The following PIP4K2A variants were observed in gnomAD, a reference collection of about 807,000 sequenced individuals.
PIP4K2A encodes phosphatidylinositol-5-phosphate 4-kinase type 2 alpha, also known as phosphatidylinositol 5-phosphate 4-kinase type-2 alpha.
PIP4K2A carries 14 observed loss-of-function variants against 42.9 expected under a neutral mutation model. The observed-to-expected ratio is 0.33, with a 90% CI of 0.22 to 0.51. The LOEUF is 0.51. Among genes scored for constraint, PIP4K2A ranks in the 20% least tolerant of loss-of-function variants. The pLI is 0.97. For synonymous variants in PIP4K2A, 192 were observed against 192.2 expected (o/e 1.00, Z 0.01); for missense variants, 434 against 519.8 (o/e 0.83, Z 1.61).
At chr10:22,563,904 G>T (rs1564422487) in intron 6 of PIP4K2A, among the ~76,000 whole-genome samples, 1 of 152,190 alleles carries the variant, frequency 6.6e-6, no homozygotes, top group African/African-American at 2.4e-5. Flanking sequence ...TGCCAGTTGT[G>T]ACTTCCTCTA....
At chr10:22,635,967 T>G (rs773107580) in intron 1 of PIP4K2A, among the ~76,000 whole-genome samples, 2 of 152,238 alleles carry the variant, frequency 1.3e-5, no homozygotes, top group African/African-American at 2.4e-5. Context: ...ATGTTTAACA[T>G]GCAGCCACAA....
chr10:22,621,354 GC>G (rs1564446162), intron 1 of PIP4K2A, among the ~76,000 whole-genome samples: 1 of 152,168 alleles, frequency 6.6e-6, no homozygotes, highest in Non-Finnish European at 1.5e-5. Context: ...CAATCACACA[GC>G]ACTCTAAGAA....
At chr10:22,670,930 T>C (rs1056330345) in intron 1 of PIP4K2A, among the ~76,000 whole-genome samples, 5 of 152,174 alleles carry the variant, frequency 3.3e-5, no homozygotes, top group African/African-American at 1.2e-4. Flanking sequence ...ACAAAGTTCC[T>C]GGAATAAATT....
chr10:22,685,010 G>T (rs1049335216), intron 1 of PIP4K2A, among the ~76,000 whole-genome samples: 1 of 152,076 alleles, frequency 6.6e-6, no homozygotes, highest in African/African-American at 2.4e-5. Flanking sequence ...AACAGAAACC[G>T]CATTACTGGT....
At position 22,539,992 on chromosome 10, in the gene PIP4K2A, A is replaced by C. The variant is rs1205429070; in HGVS notation, c.1119T>G (p.Ala373=). ...TCACGCCATGTTTAACAGTTTTTGC[A>C]GCATGGGCAGCTTTCTTTTTTGCAT... The part of the protein sequence containing the change: ...HYDAKKKAAH[A]AKTVKHGAGA... Residue 373 remains alanine, a synonymous_variant, in exon 9 of 10, where the codon GCT becomes GCG. Transcript: ENST00000376573. The C allele has an allele frequency of 1.9e-6, 3 of 1,607,160 alleles. No individual in the cohort carries two copies. Among genetic ancestry groups the C allele is most frequent in the Non-Finnish European group, 2.6e-6 (3 of 1,173,814 alleles).
intron 4 of PIP4K2A, among the ~76,000 whole-genome samples, chr10:22,588,385 A>G (rs1837444506): frequency 6.6e-6 from 1 of 151,284 alleles, no homozygotes; most frequent in Non-Finnish European, 1.5e-5. Flanking sequence ...TCTGTGGGGA[A>G]CTCCTTAGAG....
rs189046141 is a variant in PIP4K2A at position 22,653,539 on chromosome 10, G to T, written c.145-43822C>A. Among the ~76,000 whole-genome samples, 5 of 152,304 alleles carry T rather than the reference G, an allele frequency of 3.3e-5. No homozygotes were observed. In the East Asian group the frequency reaches 9.6e-4, roughly 29 times the overall value. On this transcript the variant is annotated intron_variant, in intron 1 of 9. Coordinates refer to ENST00000376573, the MANE Select transcript of PIP4K2A (RefSeq NM_005028.5). Reference sequence around the variant, plus strand: ...AGATGCACACTGGGAAGGCAGGGGAGGCAGACAGAAGAAAGGAGGTAGGGC... The same window carrying T: ...AGATGCACACTGGGAAGGCAGGGGATGCAGACAGAAGAAAGGAGGTAGGGC...
intron 1 of PIP4K2A, among the ~76,000 whole-genome samples, chr10:22,613,330 T>C (rs1042699332): frequency 6.6e-6 from 1 of 151,674 alleles, no homozygotes; most frequent in Non-Finnish European, 1.5e-5. Flanking sequence ...TGAAGAGGGA[T>C]GAGGGACAGA....
chr10:22,569,420 C>A (rs61847464), intron 5 of PIP4K2A, among the ~76,000 whole-genome samples: 7,800 of 152,348 alleles, frequency 0.051, 285 homozygotes, highest in Non-Finnish European at 0.078. Flanking sequence ...CCGAGCCCCT[C>A]TGCACAGCCA....
chr10:22,538,804 C>T (rs201562656), intron 9 of PIP4K2A, among the ~76,000 whole-genome samples: 44 of 152,014 alleles, frequency 2.9e-4, no homozygotes, highest in Non-Finnish European at 5.1e-4. Flanking sequence ...TGCTCGGGGG[C>T]GGTGAGGTCC....
At chr10:22,571,320 G>C (rs895256284) in intron 5 of PIP4K2A, among the ~76,000 whole-genome samples, 5 of 152,202 alleles carry the variant, frequency 3.3e-5, no homozygotes, top group African/African-American at 1.2e-4. Context: ...TCATTTCACA[G>C]AAAACAACTG....
At chr10:22,600,216 G>C (rs1233443365) in intron 3 of PIP4K2A, among the ~76,000 whole-genome samples, 1 of 149,802 alleles carries the variant, frequency 6.7e-6, no homozygotes, top group Non-Finnish European at 1.5e-5. Flanking sequence ...TTTCCATTTT[G>C]ATGGTCGTTT....
chr10:22,660,396 G>A (rs537334298), intron 1 of PIP4K2A, among the ~76,000 whole-genome samples: 3 of 152,200 alleles, frequency 2.0e-5, no homozygotes, highest in East Asian at 1.9e-4. Flanking sequence ...GCTTGAACCC[G>A]GGAGGCAGAG....
intron 1 of PIP4K2A, among the ~76,000 whole-genome samples, chr10:22,667,269 G>C (rs1487327956): frequency 6.6e-6 from 1 of 152,178 alleles, no homozygotes; most frequent in East Asian, 1.9e-4. Context: ...CCACAAACTA[G>C]CTTTAAATTA....
Position 22,607,537 on chromosome 10 carries a change from A to G in PIP4K2A, c.339+390T>C, listed in dbSNP as rs1412624881. On this transcript the variant is annotated intron_variant, in intron 3 of 9. Transcript: ENST00000376573. ...AATCAGCAAGATAAAGATTCCTGAG[A>G]GTCCTAAGTAGCCTCTACGAAGATA... Among the ~76,000 whole-genome samples the G allele has an allele frequency of 4.6e-5, 7 of 152,260 alleles. No homozygotes were observed. In the South Asian group the frequency reaches 1.5e-3, roughly 32 times the overall value.
At chr10:22,591,864 G>A in intron 3 of PIP4K2A, 83 bp from the exon 4 acceptor site, 1 of 1,217,212 alleles carries the variant, frequency 8.2e-7, no homozygotes, top group Non-Finnish European at 1.1e-6. Flanking sequence ...CAGATAATTT[G>A]TCATCATTGC....
intron 1 of PIP4K2A, among the ~76,000 whole-genome samples, chr10:22,678,910 A>G (rs1488774599): frequency 6.6e-6 from 1 of 152,216 alleles, no homozygotes; most frequent in African/African-American, 2.4e-5. Flanking sequence ...TGTGTTCCCT[A>G]TGTATTGTCC....
At chr10:22,635,898 G>A (rs144413096) in intron 1 of PIP4K2A, among the ~76,000 whole-genome samples, 11 of 152,294 alleles carry the variant, frequency 7.2e-5, no homozygotes, top group Admixed American at 4.6e-4. Flanking sequence ...AAGAGAAGTC[G>A]ACTTAGGGTA....
intron 1 of PIP4K2A, among the ~76,000 whole-genome samples, chr10:22,662,868 G>T (rs936421859): frequency 2.0e-5 from 3 of 152,248 alleles, no homozygotes; most frequent in Non-Finnish European, 2.9e-5. Context: ...GAAAGTAAGA[G>T]AACTCCAAGC....
Sources: allele counts gnomAD v4.1 joint callset (sites outside exome capture counted in the v4.1 genomes callset), GRCh38; gene constraint gnomAD v4.1.1; transcripts MANE v1.5; gene names NCBI Gene and HGNC (gene_info 2026-07-23, HGNC 2026-07-21).